The following COL25A1 variants were observed in gnomAD, a reference collection of about 807,000 sequenced individuals.
COL25A1 encodes collagen type XXV alpha 1 chain, also known as collagen alpha-1(XXV) chain.
In COL25A1, 103 loss-of-function variants were observed where a neutral mutation model predicts 128.4. The ratio of observed to expected loss-of-function variants is 0.80; its 90% CI spans 0.68 to 0.94. COL25A1 has a LOEUF of 0.94. Among genes scored for constraint, COL25A1 ranks in the 40% least tolerant of loss-of-function variants. The pLI is 0.00. For missense variants in COL25A1, 745 were observed against 840.0 expected (o/e 0.89, Z 1.40); for synonymous variants, 279 against 277.2 (o/e 1.01, Z -0.06).
At chr4:109,265,363 A>G (rs571158885) in intron 3 of COL25A1, among the ~76,000 whole-genome samples, 1 of 152,348 alleles carries the variant, frequency 6.6e-6, no homozygotes, top group South Asian at 2.1e-4. Flanking sequence ...TTTAAACAGC[A>G]TTACTTCCTC....
chr4:108,991,796 T>C (rs1028001268), intron 6 of COL25A1, among the ~76,000 whole-genome samples: 1 of 152,198 alleles, frequency 6.6e-6, no homozygotes, highest in African/African-American at 2.4e-5. Context: ...ACATGAAATA[T>C]GGGAATTTCT....
At chr4:109,154,262 T>C (rs1177183465) in intron 3 of COL25A1, among the ~76,000 whole-genome samples, 1 of 152,110 alleles carries the variant, frequency 6.6e-6, no homozygotes. Context: ...AATTAAAGGC[T>C]ACCCAGGGAG....
chr4:109,186,181 T>G (rs1300031018), intron 3 of COL25A1, among the ~76,000 whole-genome samples: 1 of 152,130 alleles, frequency 6.6e-6, no homozygotes, highest in African/African-American at 2.4e-5. Flanking sequence ...ATGGACCACG[T>G]GCTGACTGCT....
chr4:109,200,539 C>T (rs1270143270), intron 3 of COL25A1, among the ~76,000 whole-genome samples: 1 of 152,096 alleles, frequency 6.6e-6, no homozygotes, highest in Non-Finnish European at 1.5e-5. Flanking sequence ...TTCTCTGCAA[C>T]CTCCGCCTCC....
chr4:109,090,553 G>T (rs1764804372), intron 3 of COL25A1, among the ~76,000 whole-genome samples: 1 of 152,098 alleles, frequency 6.6e-6, no homozygotes, highest in Non-Finnish European at 1.5e-5. Flanking sequence ...TAAACATACT[G>T]CTTGCAAGTG....
intron 3 of COL25A1, among the ~76,000 whole-genome samples, chr4:109,182,016 C>G (rs945226192): frequency 6.6e-6 from 1 of 152,108 alleles, no homozygotes; most frequent in East Asian, 1.9e-4. Context: ...TATGTTGCCA[C>G]AAATGCCGAA....
chr4:108,997,107 G>A (rs1754856748), intron 6 of COL25A1, among the ~76,000 whole-genome samples: 1 of 152,072 alleles, frequency 6.6e-6, no homozygotes, highest in Non-Finnish European at 1.5e-5. Flanking sequence ...GCTACCAGAA[G>A]GCAAGAAATA....
Position 108,884,369 on chromosome 4 carries a change from T to C in COL25A1, c.976-147A>G, listed in dbSNP as rs1578653864. On this transcript the variant is annotated intron_variant, in intron 18 of 37. Coordinates refer to ENST00000399132, the MANE Select transcript of COL25A1 (RefSeq NM_198721.4). Reference sequence around the variant, plus strand: ...ACTTTCAAAAACTTTGATGAGATTATGCAATTCAGTCAACTCTTGATTTAG... The same window carrying C: ...ACTTTCAAAAACTTTGATGAGATTACGCAATTCAGTCAACTCTTGATTTAG... 1.0e-5 allele frequency: 7 copies of C among 689,008 alleles called. No individual in the cohort carries two copies. In the East Asian group the frequency reaches 1.1e-4, roughly 11 times the overall value. 42.7% of individuals were successfully genotyped at this position (689,008 alleles called of 1,614,324 possible).
intron 3 of COL25A1, among the ~76,000 whole-genome samples, chr4:109,235,427 A>G (rs192188099): frequency 2.0e-3 from 308 of 152,242 alleles, no homozygotes; most frequent in Non-Finnish European, 3.7e-3. Context: ...GAAGATACTC[A>G]TATCTCATTT....
At position 109,263,700 on chromosome 4, in the gene COL25A1, C is replaced by T. The variant is rs114524520; in HGVS notation, c.367+36883G>A. 2.9e-3 allele frequency among the ~76,000 whole-genome samples: 447 copies of T among 152,268 alleles called. 1 individual carries two copies. Among genetic ancestry groups the T allele is most frequent in the African/African-American group, 0.01 (427 of 41,566 alleles). On this transcript the variant is annotated intron_variant, in intron 3 of 37. Transcript: ENST00000399132. ...CCTCTCTGCCTCGGGAATTTCATAC[C>T]GTATTGCTGCCTTGCTTTCTGTCAC...
intron 16 of COL25A1, among the ~76,000 whole-genome samples, chr4:108,893,306 C>T (rs1048734203): frequency 2.0e-5 from 3 of 152,110 alleles, no homozygotes; most frequent in African/African-American, 7.2e-5. Flanking sequence ...GTGGCCAAAC[C>T]ATTTAGTGTG....
At chr4:108,957,469 A>C (rs1750199854) in intron 8 of COL25A1, among the ~76,000 whole-genome samples, 8 of 152,218 alleles carry the variant, frequency 5.3e-5, no homozygotes, top group Admixed American at 5.2e-4. Context: ...TCTATAAACC[A>C]CTGAAGGATA....
At chr4:109,095,439 G>C (rs1765312832) in intron 3 of COL25A1, among the ~76,000 whole-genome samples, 1 of 152,114 alleles carries the variant, frequency 6.6e-6, no homozygotes, top group Admixed American at 6.6e-5. Flanking sequence ...CACTGGAAGA[G>C]GGCATAATGA....
intron 3 of COL25A1, among the ~76,000 whole-genome samples, chr4:109,255,499 T>C (rs1012107006): frequency 6.6e-6 from 1 of 152,080 alleles, no homozygotes; most frequent in African/African-American, 2.4e-5. Flanking sequence ...GGAAAGAGGG[T>C]GAATATCTGC....
At chr4:109,287,010 A>G (rs1371505364) in intron 3 of COL25A1, among the ~76,000 whole-genome samples, 2 of 152,160 alleles carry the variant, frequency 1.3e-5, no homozygotes, top group African/African-American at 4.8e-5. Flanking sequence ...AAACCATCTC[A>G]TTGGTGTGTT....
intron 18 of COL25A1, among the ~76,000 whole-genome samples, chr4:108,886,469 TGTGTGTG>T (rs1347178118): frequency 2.9e-4 from 36 of 122,916 alleles, no homozygotes; most frequent in African/African-American, 9.7e-4. Flanking sequence ...TGTGTGTGTG[TGTGTGTG>T]TGTGTGTGTG....
rs150568762 is a variant in COL25A1, at chr4:108,955,206, A to G, written c.493-13769T>C. Among the ~76,000 whole-genome samples the G allele has an allele frequency of 3.1e-3, 466 of 151,690 alleles. 1 individual carries two copies. The highest frequency in any genetic ancestry group is 4.8e-3 in the Non-Finnish European group (326 of 67,970). ...GTGATACGGGATTTTAGCAAGTAAG[A>G]CACATTAAAGAGAGTAAGAAGTTAC... On this transcript the variant is annotated intron_variant, in intron 8 of 37. Coordinates refer to ENST00000399132, the MANE Select transcript of COL25A1 (RefSeq NM_198721.4).
intron 8 of COL25A1, among the ~76,000 whole-genome samples, chr4:108,946,702 CG>C (rs988582571): frequency 6.6e-6 from 1 of 151,638 alleles, no homozygotes; most frequent in Admixed American, 6.6e-5. Context: ...GAGAAGTTGG[CG>C]GGGGGGCTAC....
At chr4:108,954,571 G>A (rs1749832287) in intron 8 of COL25A1, among the ~76,000 whole-genome samples, 1 of 151,914 alleles carries the variant, frequency 6.6e-6, no homozygotes, top group Admixed American at 6.6e-5. Context: ...AGATTAGATT[G>A]TCTTCGTTAC....
Sources: gnomAD v4.1 joint callset for allele counts (sites outside exome capture counted in the v4.1 genomes callset) on GRCh38, gnomAD v4.1.1 for gene constraint, MANE v1.5 for transcripts, NCBI Gene and HGNC (gene_info 2026-07-23, HGNC 2026-07-21) for gene names.